The following EDA variants were observed in gnomAD, a reference collection of about 807,000 sequenced individuals.
The protein encoded by EDA is ectodysplasin A, also known as ectodysplasin-A.
EDA carries 2 observed loss-of-function variants against 23.6 expected under a neutral mutation model. The observed-to-expected ratio is 0.08, with a 90% CI of 0.03 to 0.27. EDA has a LOEUF of 0.27. Ranked by LOEUF, EDA falls within the 10% of genes least tolerant of loss-of-function variation. The pLI is 1.00. For missense variants in EDA, 229 were observed against 324.2 expected, an observed-to-expected ratio of 0.71 and a Z score of 2.26; for synonymous variants, 131 against 132.0, an observed-to-expected ratio of 0.99 and a Z score of 0.05.
chrX:69,772,045 C>T (rs1050905267), intron 1 of EDA, among the ~76,000 whole-genome samples: 1 of 111,986 alleles, frequency 8.9e-6, no homozygotes, highest in Non-Finnish European at 1.9e-5. Context: ...GCTTACCTCT[C>T]GAGCTCAAGC....
intron 1 of EDA, chrX:69,937,765 G>A: frequency 2.5e-6 from 3 of 1,195,076 alleles, no homozygotes; most frequent in Non-Finnish European, 3.4e-6. Flanking sequence ...TATTCTCCTT[G>A]CTCATTTATA....
intron 1 of EDA, among the ~76,000 whole-genome samples, chrX:69,867,865 C>T (rs1365659813): frequency 9.0e-6 from 1 of 111,595 alleles, no homozygotes; most frequent in Non-Finnish European, 1.9e-5. Flanking sequence ...AGCCCAATCA[C>T]GTATATACCA....
intron 1 of EDA, among the ~76,000 whole-genome samples, chrX:69,633,824 G>A (rs1932696422): frequency 8.9e-6 from 1 of 112,333 alleles, no homozygotes; most frequent in African/African-American, 3.2e-5. Context: ...TGAACATGGA[G>A]GTGTACAGGT....
intron 1 of EDA, among the ~76,000 whole-genome samples, chrX:69,691,271 A>G (rs1434112606): frequency 2.7e-5 from 3 of 111,822 alleles, no homozygotes; most frequent in Non-Finnish European, 5.7e-5. Flanking sequence ...ATTAACGTGT[A>G]AAATCTCTAG....
At chrX:70,029,746 T>C (rs1159822543) in intron 5 of EDA, among the ~76,000 whole-genome samples, 1 of 112,674 alleles carries the variant, frequency 8.9e-6, no homozygotes, top group Non-Finnish European at 1.9e-5. Context: ...AAAGGGTGTC[T>C]TGCCAGGATC....
chrX:69,851,352 G>A (rs1341038618), intron 1 of EDA, among the ~76,000 whole-genome samples: 1 of 111,947 alleles, frequency 8.9e-6, no homozygotes, highest in Non-Finnish European at 1.9e-5. Flanking sequence ...TTGTGCTTAT[G>A]CATTTAAAAT....
chrX:69,674,660 AT>A (rs1044653300), intron 1 of EDA, among the ~76,000 whole-genome samples: 1 of 112,013 alleles, frequency 8.9e-6, no homozygotes, highest in Non-Finnish European at 1.9e-5. Context: ...TGTTGAAAGA[AT>A]TGAATACCTT....
chrX:69,616,274 C>T lies in EDA; in HGVS notation c.-35C>T. ...AACGGCTGAGGCAGACGCAGCGGCT[C>T]CCGGGCCTCAAGAGAGTGGGTGTCT... On this transcript the variant is annotated 5_prime_UTR_variant, in exon 1 of 8. Transcript: ENST00000374552. 1 of 1,161,890 alleles carries T rather than the reference C, an allele frequency of 8.6e-7. No individual in the cohort carries two copies. The highest frequency in any genetic ancestry group is 1.1e-6 in the Non-Finnish European group (1 of 876,060).
Position 69,822,127 on chromosome X carries a change from G to A in EDA, c.397-134900G>A, listed in dbSNP as rs144878104. Among the ~76,000 whole-genome samples the A allele has an allele frequency of 5.4e-3, 594 of 110,384 alleles. 1 individual carries two copies. Among genetic ancestry groups the A allele is most frequent in the Middle Eastern group, 0.014 (3 of 218 alleles). On this transcript the variant is annotated intron_variant, in intron 1 of 7. Transcript: ENST00000374552. ...TTGAGACCCCATCTCTACAAAACACGTTTTAAAATTAGTTACGTATGGTGG... is the reference window on the plus strand; with the variant it reads ...TTGAGACCCCATCTCTACAAAACACATTTTAAAATTAGTTACGTATGGTGG...
chrX:70,002,327 GAAA>G (rs1230248863), intron 2 of EDA, among the ~76,000 whole-genome samples: 1 of 101,358 alleles, frequency 9.9e-6, no homozygotes, highest in Non-Finnish European at 2.0e-5. Flanking sequence ...ATTTCATAAT[GAAA>G]AAAAAAAACA....
At chrX:69,815,798 C>T (rs1233485711) in intron 1 of EDA, among the ~76,000 whole-genome samples, 2 of 112,510 alleles carry the variant, frequency 1.8e-5, no homozygotes, top group Admixed American at 1.9e-4. Flanking sequence ...TGGGGAAGGT[C>T]CCCCACAACA....
intron 1 of EDA, among the ~76,000 whole-genome samples, chrX:69,631,688 G>T (rs1932600243): frequency 9.5e-6 from 1 of 105,196 alleles, no homozygotes; most frequent in African/African-American, 3.5e-5. Flanking sequence ...AAGCTTAAAT[G>T]TTATACTTTC....
chrX:69,683,940 A>G (rs1224249103), intron 1 of EDA, among the ~76,000 whole-genome samples: 1 of 112,155 alleles, frequency 8.9e-6, no homozygotes, highest in Non-Finnish European at 1.9e-5. Context: ...TAAGGACCTT[A>G]TACCAGATTA....
At position 69,616,136 on chromosome X, in the gene EDA, A is replaced by AGCTGCACATGCG. The variant is rs1931913461; in HGVS notation, c.-167_-156dup. Reference sequence around the variant, plus strand: ...CTCCCTTTCCCACCCCTCGGAGTAGAGCTGCACATGCGGCTGCTCCCTGCT... The same window carrying AGCTGCACATGCG: ...CTCCCTTTCCCACCCCTCGGAGTAGAGCTGCACATGCGGCTGCACATGCGGCTGCTCCCTGCT... On this transcript the variant is annotated 5_prime_UTR_variant, in exon 1 of 8. In the 5' UTR this introduces an upstream ATG that the reference lacks. Transcript: ENST00000374552. 2.5e-6 allele frequency: 1 copy of AGCTGCACATGCG among 406,739 alleles called. No homozygotes were observed. The highest frequency in any genetic ancestry group is 2.5e-5 in the African/African-American group (1 of 39,864). The allele number at this position is 406,739 out of a possible 1,213,427, so 33.5% of individuals were successfully genotyped here.
chrX:69,849,715 G>A (rs1032888609), intron 1 of EDA, among the ~76,000 whole-genome samples: 4 of 111,845 alleles, frequency 3.6e-5, no homozygotes, highest in African/African-American at 1.3e-4. Flanking sequence ...ATGGGTGAAT[G>A]TCATGCTTTG....
At chrX:69,867,957 C>T (rs1212925300) in intron 1 of EDA, among the ~76,000 whole-genome samples, 1 of 111,873 alleles carries the variant, frequency 8.9e-6, no homozygotes, top group Non-Finnish European at 1.9e-5. Flanking sequence ...TCATGATAGG[C>T]AGTTCAGGTC....
intron 1 of EDA, among the ~76,000 whole-genome samples, chrX:69,857,790 G>A (rs2017292914): frequency 9.0e-6 from 1 of 110,671 alleles, no homozygotes; most frequent in Non-Finnish European, 1.9e-5. Flanking sequence ...GTCTTGTTAT[G>A]GGAATTGCAT....
At chrX:69,889,554 T>C (rs1342968355) in intron 1 of EDA, among the ~76,000 whole-genome samples, 1 of 112,109 alleles carries the variant, frequency 8.9e-6, no homozygotes, top group African/African-American at 3.2e-5. Flanking sequence ...TGAGTATCTT[T>C]CCATGTGCTT....
At chrX:70,013,415 T>C (rs1472417231) in intron 2 of EDA, among the ~76,000 whole-genome samples, 2 of 110,738 alleles carry the variant, frequency 1.8e-5, no homozygotes, top group African/African-American at 6.6e-5. Context: ...TGACTGAGCA[T>C]TCCCGCTGGT....
Sources: allele counts gnomAD v4.1 joint callset (sites outside exome capture counted in the v4.1 genomes callset), GRCh38; gene constraint gnomAD v4.1.1; transcripts MANE v1.5; gene names NCBI Gene and HGNC (gene_info 2026-07-23, HGNC 2026-07-21).